The following SLC12A7 variants were observed in gnomAD, a reference collection of about 807,000 sequenced individuals.
SLC12A7 encodes the protein solute carrier family 12 member 7.
SLC12A7 carries 100 observed loss-of-function variants against 120.6 expected under a neutral mutation model. The observed-to-expected ratio is 0.83, with a 90% CI of 0.71 to 0.98. The LOEUF (loss-of-function observed/expected upper bound fraction) is 0.98, where lower values mean the gene tolerates loss of function less well. SLC12A7 is among the 50% of genes least tolerant of loss of function. SLC12A7 has a pLI of 0.00. For missense variants in SLC12A7, 1,373 were observed against 1,548.1 expected (o/e 0.89, Z 1.90); for synonymous variants, 760 against 678.0 (o/e 1.12, Z -1.88).
At chr5:1,100,507 T>G (rs2150898011) in intron 1 of SLC12A7, among the ~76,000 whole-genome samples, 1 of 152,238 alleles carries the variant, frequency 6.6e-6, no homozygotes. Flanking sequence ...GATCCGACAG[T>G]GGGAACCAAA....
At chr5:1,140,504 G>A in the SLC12A7 span, among the ~76,000 whole-genome samples, 45 of 149,128 alleles carry the variant, frequency 3.0e-4, no homozygotes, top group African/African-American at 1.0e-3. Flanking sequence ...GTGAGGGGGG[G>A]TGCTCCCTGC....
intron 12 of SLC12A7, among the ~76,000 whole-genome samples, chr5:1,077,061 C>CCCT (rs1032796540): frequency 6.6e-6 from 1 of 151,652 alleles, no homozygotes; most frequent in Non-Finnish European, 1.5e-5. Flanking sequence ...CCAGCCTGCC[C>CCCT]CCCCGCCTCA....
intron 6 of SLC12A7, among the ~76,000 whole-genome samples, chr5:1,085,869 T>A (rs1317646687): frequency 1.3e-5 from 2 of 152,224 alleles, no homozygotes; most frequent in African/African-American, 4.8e-5. Context: ...GGAATGTGAC[T>A]GCTGCCCAGA....
At chr5:1,081,513 C>T (rs945954799) in intron 9 of SLC12A7, 64 bp downstream of exon 9, 1 of 1,538,996 alleles carries the variant, frequency 6.5e-7, no homozygotes, top group East Asian at 2.3e-5. Flanking sequence ...CAGAGCAAGA[C>T]CTTGCCTCAA....
In SLC12A7 at chr5:1,064,166, C is replaced by T. The variant is rs758516630; in HGVS notation, c.2524G>A (p.Gly842Ser). Residue 842 changes from glycine (G) to serine (S), a missense_variant, in exon 19 of 24, where the codon GGC becomes AGC. By Grantham distance (56) the Gly-to-Ser change is moderately conservative. Transcript: ENST00000264930. ...DSFPQNQERFGGGHIDVWWIV... is the reference protein window; with the variant it reads ...DSFPQNQERFSGGHIDVWWIV... ...CACCACACGTCGATGTGGCCCCCGC[C>T]GAAGCGCTCCTGGTTTTGCGGAAAC... 9.1e-5 allele frequency: 147 copies of T among 1,612,318 alleles called. No homozygotes were observed. The highest frequency in any genetic ancestry group is 2.2e-4 in the East Asian group (10 of 44,848).
At chr5:1,087,066 G>A in intron 5 of SLC12A7, 33 bp from the exon 6 acceptor site, 1 of 1,592,538 alleles carries the variant, frequency 6.3e-7, no homozygotes, top group African/African-American at 1.3e-5. Flanking sequence ...CGCGGGTCAG[G>A]GGCGCACTTG....
chr5:1,121,443 T>C, the SLC12A7 span, among the ~76,000 whole-genome samples: 3 of 151,968 alleles, frequency 2.0e-5, no homozygotes, highest in South Asian at 6.3e-4. Context: ...TGCAGCCGAG[T>C]CCCAAGCAGG....
At chr5:1,085,614 G>A in intron 6 of SLC12A7, 141 bp from the exon 7 acceptor site, 1 of 1,249,296 alleles carries the variant, frequency 8.0e-7, no homozygotes, top group Admixed American at 2.7e-5. Context: ...GCTGGACGGA[G>A]CCCGCGGGGG....
chr5:1,120,626 A>G, the SLC12A7 span, among the ~76,000 whole-genome samples: 2 of 152,126 alleles, frequency 1.3e-5, no homozygotes, highest in Admixed American at 1.3e-4. Context: ...TAAGCAAAAG[A>G]CACACAAAGG....
intron 3 of SLC12A7, among the ~76,000 whole-genome samples, chr5:1,092,800 G>A (rs539599730): frequency 1.3e-5 from 2 of 152,190 alleles, no homozygotes; most frequent in East Asian, 3.9e-4. Flanking sequence ...AAAAGCAGAG[G>A]GAGTTGAGAA....
the SLC12A7 span, among the ~76,000 whole-genome samples, chr5:1,121,477 C>A: frequency 2.6e-5 from 4 of 152,332 alleles, no homozygotes; most frequent in Admixed American, 2.6e-4. Context: ...CATTCCTCTC[C>A]GGTGGAATGC....
chr5:1,052,325 G>C lies in SLC12A7; in HGVS notation c.*35C>G, dbSNP rs760276501. ...GCCCAGGCTGCCCACGCCGTCCTCCGTGCCTGTCCCAGAGTGCCGTGATGC... is the reference window on the plus strand; with the variant it reads ...GCCCAGGCTGCCCACGCCGTCCTCCCTGCCTGTCCCAGAGTGCCGTGATGC... On this transcript the variant is annotated 3_prime_UTR_variant, in exon 24 of 24. Transcript: ENST00000264930. 3.8e-6 allele frequency: 6 copies of C among 1,576,618 alleles called. No homozygotes were observed. In the East Asian group the frequency reaches 9.0e-5, roughly 24 times the overall value.
In SLC12A7 at chr5:1,074,198, C is replaced by T. The variant is rs574714261; in HGVS notation, c.2072+369G>A. 2.3e-3 allele frequency among the ~76,000 whole-genome samples: 351 copies of T among 151,380 alleles called. 2 individuals carry two copies. The highest frequency in any genetic ancestry group is 8.2e-3 in the African/African-American group (337 of 41,206). ...AGGGGACAATGGCCCGGGGCACACC[C>T]GAGGCCCCCGCCGAGGCCCCTGAGG... On this transcript the variant is annotated intron_variant, in intron 16 of 23. Coordinates refer to ENST00000264930, the MANE Select transcript of SLC12A7 (RefSeq NM_006598.3).
At chr5:1,152,150 C>T in the SLC12A7 span, among the ~76,000 whole-genome samples, 464 of 152,222 alleles carry the variant, frequency 3.0e-3, 4 homozygotes, top group African/African-American at 0.011. Flanking sequence ...GTGAAATGGC[C>T]AGCCCCATCA....
At chr5:1,069,485 C>T (rs1471667820) in intron 17 of SLC12A7, among the ~76,000 whole-genome samples, 1 of 152,364 alleles carries the variant, frequency 6.6e-6, no homozygotes, top group East Asian at 1.9e-4. Flanking sequence ...TGGCTCCCAA[C>T]CCACAGCAAG....
chr5:1,148,005 G>C, the SLC12A7 span, among the ~76,000 whole-genome samples: 3 of 152,016 alleles, frequency 2.0e-5, no homozygotes, highest in African/African-American at 7.3e-5. Context: ...AAAGAGCTGG[G>C]ATTATGCCTC....
intron 1 of SLC12A7, 43 bp downstream of exon 1, chr5:1,111,825 C>G (rs1352799929): frequency 8.4e-7 from 1 of 1,195,864 alleles, no homozygotes; most frequent in Non-Finnish European, 1.0e-6. Flanking sequence ...GACCCGCGCT[C>G]GGGGCGCTCG....
At position 1,055,842 on chromosome 5, in the gene SLC12A7, C is replaced by T. The variant is rs112529908; in HGVS notation, c.3026+1629G>A. Among the ~76,000 whole-genome samples, 233 of 152,372 alleles carry T rather than the reference C, an allele frequency of 1.5e-3. 1 individual carries two copies. Among genetic ancestry groups the T allele is most frequent in the African/African-American group, 5.3e-3 (219 of 41,596 alleles). The stretch of plus-strand genomic sequence containing the variant: ...GCAGGAAGTACAGGGATTCCCTGCA[C>T]GCCTCGCACATAGCTGCACAGTTTC... On this transcript the variant is annotated intron_variant, in intron 22 of 23. Transcript: ENST00000264930.
chr5:1,077,981 A>AGGTTCCCCTGCAGG lies in SLC12A7; in HGVS notation c.1467_1480dup (p.Leu494ProfsTer72). On this transcript the variant is annotated frameshift_variant, in exon 12 of 24. Transcript: ENST00000264930. LOFTEE classifies it high-confidence loss of function. ...GGGCCAGGCCAGCATGCCGATGACCAGGTTCCCCTGCAGGGCCTCCCCGAA... is the reference window on the plus strand; with the variant it reads ...GGGCCAGGCCAGCATGCCGATGACCAGGTTCCCCTGCAGGGGTTCCCCTGCAGGGCCTCCCCGAA... The AGGTTCCCCTGCAGG allele has an allele frequency of 6.3e-7, 1 of 1,585,708 alleles. No homozygotes were observed. The highest frequency in any genetic ancestry group is 8.6e-7 in the Non-Finnish European group (1 of 1,167,046).
Sources: allele counts gnomAD v4.1 joint callset (sites outside exome capture counted in the v4.1 genomes callset), GRCh38; gene constraint gnomAD v4.1.1; transcripts MANE v1.5; gene names NCBI Gene and HGNC (gene_info 2026-07-23, HGNC 2026-07-21).